Variants in TES observed in about 807,000 individuals in gnomAD.
The protein encoded by TES is testin.
In TES, 41 loss-of-function variants were observed where a neutral mutation model predicts 48.2. That is an observed-to-expected ratio of 0.85 (90% CI 0.66 to 1.10). TES has a LOEUF of 1.10. TES is among the 50% of genes least tolerant of loss of function. The pLI is 0.00. For missense variants in TES, 463 were observed against 515.1 expected (o/e 0.90, Z 0.98); for synonymous variants, 162 against 174.9 (o/e 0.93, Z 0.58).
intron 3 of TES, 126 bp downstream of exon 3, chr7:116,249,398 C>T: frequency 1.8e-6 from 2 of 1,134,338 alleles, no homozygotes; most frequent in Non-Finnish European, 1.2e-6. Context: ...GTTCTCATTA[C>T]TTTGACTTCT....
At chr7:116,227,782 A>G (rs935931347) in intron 1 of TES, among the ~76,000 whole-genome samples, 7 of 152,140 alleles carry the variant, frequency 4.6e-5, no homozygotes, top group African/African-American at 9.7e-5. Flanking sequence ...AGAGAGATGT[A>G]TATTTCATAT....
chr7:116,215,373 T>A (rs1799482532), intron 1 of TES, among the ~76,000 whole-genome samples: 1 of 152,204 alleles, frequency 6.6e-6, no homozygotes, highest in Non-Finnish European at 1.5e-5. Flanking sequence ...GTGGTTTATA[T>A]TCCAATAAAA....
At chr7:116,212,837 C>T (rs917909972) in intron 1 of TES, among the ~76,000 whole-genome samples, 3 of 152,180 alleles carry the variant, frequency 2.0e-5, no homozygotes, top group African/African-American at 7.2e-5. Flanking sequence ...TCTTAACTTT[C>T]TCTAATCCTC....
intron 2 of TES, among the ~76,000 whole-genome samples, chr7:116,238,575 C>T (rs1799802682): frequency 7.9e-6 from 1 of 127,032 alleles, no homozygotes; most frequent in South Asian, 2.5e-4. Context: ...ACTGTTAACT[C>T]AACATCCATC....
intron 2 of TES, among the ~76,000 whole-genome samples, chr7:116,248,734 T>C (rs992771179): frequency 6.6e-6 from 1 of 152,186 alleles, no homozygotes; most frequent in Non-Finnish European, 1.5e-5. Flanking sequence ...AGGTTGTCTG[T>C]TTGTCCTGTT....
chr7:116,215,328 TTCAC>T (rs1313056660), intron 1 of TES, among the ~76,000 whole-genome samples: 1 of 152,160 alleles, frequency 6.6e-6, no homozygotes, highest in Non-Finnish European at 1.5e-5. Flanking sequence ...TTTCAACACT[TTCAC>T]TCATTTTTTA....
At chr7:116,250,723 G>C (rs1180938723) in intron 4 of TES, among the ~76,000 whole-genome samples, 2 of 152,172 alleles carry the variant, frequency 1.3e-5, no homozygotes, top group African/African-American at 4.8e-5. Flanking sequence ...GATAATTGTG[G>C]ATAGTGAGTT....
chr7:116,212,285 G>C (rs1799447701), intron 1 of TES, among the ~76,000 whole-genome samples: 1 of 152,108 alleles, frequency 6.6e-6, no homozygotes, highest in Non-Finnish European at 1.5e-5. Flanking sequence ...GGATTTTTAG[G>C]GTAATGACAC....
chr7:116,218,955 C>G (rs931026042), intron 1 of TES, among the ~76,000 whole-genome samples: 2 of 152,064 alleles, frequency 1.3e-5, no homozygotes, highest in African/African-American at 4.8e-5. Context: ...TATAGTAGTT[C>G]CTAATTGCCT....
At chr7:116,246,365 TTA>T (rs1306815016) in intron 2 of TES, among the ~76,000 whole-genome samples, 1 of 152,262 alleles carries the variant, frequency 6.6e-6, no homozygotes, top group Admixed American at 6.5e-5. Context: ...CTATTGCCAG[TTA>T]TGTTTCACCC....
At chr7:116,252,740 T>A (rs1800037674) in intron 6 of TES, 1 of 472,052 alleles carries the variant, frequency 2.1e-6, no homozygotes. Context: ...TTAAAAAAAT[T>A]CTTAATGGGA....
At position 116,252,440 on chromosome 7, in the gene TES, C is replaced by G. The variant is rs762089523; in HGVS notation, c.1041C>G (p.Pro347=). 4 of 1,614,162 alleles carry G rather than the reference C, an allele frequency of 2.5e-6. No individual in the cohort carries two copies. In the South Asian group the frequency reaches 4.4e-5, roughly 18 times the overall value. ...GEIYVMVNDK[P]VCKPCYVKNH... is the part of the protein sequence containing the mutation. ...TATACGTGATGGTCAATGACAAGCCCGTGTGCAAGCCCTGCTATGTGAAGA... is the reference window on the plus strand; with the variant it reads ...TATACGTGATGGTCAATGACAAGCCGGTGTGCAAGCCCTGCTATGTGAAGA... The change falls in exon 6 of 7, where the codon CCC becomes CCG. Residue 347 remains proline, a synonymous_variant. Transcript: ENST00000358204.
At chr7:116,230,193 G>A in intron 1 of TES, among the ~76,000 whole-genome samples, 1 of 152,192 alleles carries the variant, frequency 6.6e-6, no homozygotes, top group East Asian at 1.9e-4. Context: ...TATAGTAGGA[G>A]AAAGTGTATC....
At chr7:116,247,949 T>C (rs1799950151) in intron 2 of TES, among the ~76,000 whole-genome samples, 1 of 152,132 alleles carries the variant, frequency 6.6e-6, no homozygotes, top group South Asian at 2.1e-4. Flanking sequence ...AGTTAGCTTT[T>C]CAAACGTTTC....
At position 116,258,363 on chromosome 7, in the gene TES, GC is replaced by G. The variant is rs1373918160; in HGVS notation, c.*883del. On this transcript the variant is annotated 3_prime_UTR_variant, in exon 7 of 7. Transcript: ENST00000358204. Reference sequence around the variant, plus strand: ...GACCTCAGATGATCCGCCTGCCTTGGCCTCCCAAAGTGCTGGGATTACAGGT... The same window carrying G: ...GACCTCAGATGATCCGCCTGCCTTGGCTCCCAAAGTGCTGGGATTACAGGT... 3 of 152,496 alleles carry G rather than the reference GC, an allele frequency of 2.0e-5. No individual in the cohort carries two copies. Among genetic ancestry groups the G allele is most frequent in the Admixed American group, 1.3e-4 (2 of 15,274 alleles). The allele number at this position is 152,496 out of a possible 1,614,324, so 9.4% of individuals were successfully genotyped here.
chr7:116,212,111 G>GAAACCAA (rs1799445927), intron 1 of TES, among the ~76,000 whole-genome samples: 1 of 152,132 alleles, frequency 6.6e-6, no homozygotes, highest in Non-Finnish European at 1.5e-5. Flanking sequence ...GCTTTCTGTT[G>GAAACCAA]ATGAATACTA....
intron 2 of TES, among the ~76,000 whole-genome samples, chr7:116,248,315 T>G (rs1284719662): frequency 6.6e-6 from 1 of 152,118 alleles, no homozygotes; most frequent in Non-Finnish European, 1.5e-5. Flanking sequence ...GAACAATGCA[T>G]TTTCCTTTGG....
At chr7:116,248,165 T>A (rs1799953133) in intron 2 of TES, among the ~76,000 whole-genome samples, 1 of 152,238 alleles carries the variant, frequency 6.6e-6, no homozygotes, top group East Asian at 1.9e-4. Flanking sequence ...TTTTTATGGC[T>A]GCATAGTATT....
In TES at chr7:116,250,361, A is replaced by C. The variant is rs746189109; in HGVS notation, c.567A>C (p.Val189=). The C allele has an allele frequency of 1.5e-5, 24 of 1,614,048 alleles. 1 individual carries two copies. The South Asian group carries it at 2.6e-4, about 18-fold the overall frequency. Residue 189 remains valine (V), a synonymous_variant, in exon 4 of 7, where the codon GTA becomes GTC. Coordinates refer to ENST00000358204, the MANE Select transcript of TES (RefSeq NM_015641.4). ...VKKYKSEALG[V]GDVKLPCEMD... ...AATATAAGAGCGAAGCTCTGGGAGTAGGAGATGTCAAACTTCCCTGTGAGA... is the reference window on the plus strand; with the variant it reads ...AATATAAGAGCGAAGCTCTGGGAGTCGGAGATGTCAAACTTCCCTGTGAGA...
Sources: gnomAD v4.1 joint callset for allele counts (sites outside exome capture counted in the v4.1 genomes callset) on GRCh38, gnomAD v4.1.1 for gene constraint, MANE v1.5 for transcripts, NCBI Gene and HGNC (gene_info 2026-07-23, HGNC 2026-07-21) for gene names.